The following CLVS1 variants were observed in gnomAD, a reference collection of about 807,000 sequenced individuals.
CLVS1 encodes the protein clavesin-1.
In CLVS1, 10 loss-of-function variants were observed where a neutral mutation model predicts 33.1. The ratio of observed to expected loss-of-function variants is 0.30; its 90% CI spans 0.19 to 0.51. The LOEUF (loss-of-function observed/expected upper bound fraction) is 0.51. Among genes scored for constraint, CLVS1 ranks in the 20% least tolerant of loss-of-function variants. The pLI is 0.97. For synonymous variants in CLVS1, 163 were observed against 166.1 expected (o/e 0.98, Z 0.14); for missense variants, 343 against 433.4 (o/e 0.79, Z 1.85).
chr8:61,287,346 G>A (rs867592844), upstream of CLVS1, among the ~76,000 whole-genome samples: 11 of 152,006 alleles, frequency 7.2e-5, no homozygotes, highest in African/African-American at 2.4e-4. Flanking sequence ...CTAAAAGGCT[G>A]TTAGTGTTTC....
intron 1 of CLVS1, among the ~76,000 whole-genome samples, chr8:61,290,486 T>C (rs1000818064): frequency 4.6e-5 from 7 of 152,056 alleles, no homozygotes; most frequent in Non-Finnish European, 8.8e-5. Flanking sequence ...CATAGAAGAG[T>C]GCATCATTTT....
chr8:61,346,161 AAATGGTATAG>A, intron 2 of CLVS1, among the ~76,000 whole-genome samples: 2 of 152,274 alleles, frequency 1.3e-5, no homozygotes, highest in Admixed American at 1.3e-4. Flanking sequence ...AGTTATTCGC[AAATGGTATAG>A]AATGTCAGTC....
chr8:61,159,025 T>C (rs11777469), intron 2 of CLVS1, among the ~76,000 whole-genome samples: 52,006 of 152,012 alleles, frequency 0.34, 11,770 homozygotes, highest in Middle Eastern at 0.52. Context: ...TGAGCCACCA[T>C]GCTATAATTA....
chr8:61,191,927 A>G (rs896608202), intron 2 of CLVS1, among the ~76,000 whole-genome samples: 8 of 152,222 alleles, frequency 5.3e-5, no homozygotes, highest in African/African-American at 1.7e-4. Flanking sequence ...GGAAGAATCA[A>G]TATTGTGAAA....
chr8:61,467,535 A>C (rs1014095160), intron 5 of CLVS1, among the ~76,000 whole-genome samples: 2 of 152,198 alleles, frequency 1.3e-5, no homozygotes, highest in African/African-American at 2.4e-5. Context: ...AAGTGTGTTC[A>C]TTCTGGTGGA....
intron 1 of CLVS1, among the ~76,000 whole-genome samples, chr8:61,065,234 C>T (rs1804654567): frequency 6.6e-6 from 1 of 152,172 alleles, no homozygotes; most frequent in Non-Finnish European, 1.5e-5. Flanking sequence ...CCTTATAATA[C>T]CTAACACAAT....
chr8:61,100,227 G>T (rs771565905), intron 1 of CLVS1, among the ~76,000 whole-genome samples: 3 of 152,082 alleles, frequency 2.0e-5, no homozygotes, highest in Non-Finnish European at 4.4e-5. Flanking sequence ...AGGACAATGG[G>T]TACCAATGAC....
chr8:61,156,617 A>G (rs982996579), intron 2 of CLVS1, among the ~76,000 whole-genome samples: 3 of 152,208 alleles, frequency 2.0e-5, no homozygotes, highest in Non-Finnish European at 4.4e-5. Flanking sequence ...CTCAATATAT[A>G]TTTAAAAGAT....
rs189628770 is a variant in CLVS1 at position 61,207,622 on chromosome 8, T to C, written c.-152+75762T>C. Among the ~76,000 whole-genome samples the C allele has an allele frequency of 3.8e-3, 582 of 152,290 alleles. 5 individuals are homozygous for C. Among genetic ancestry groups the C allele is most frequent in the African/African-American group, 0.013 (532 of 41,554 alleles). ...ATCGTACCACAATTTTACAGAAAAG[T>C]CTATGGTTTTCTGTGGCTGAAAATA... On this transcript the variant is annotated intron_variant, in intron 2 of 2. Transcript: ENST00000522621.
chr8:61,084,127 A>G (rs137965597), intron 1 of CLVS1, among the ~76,000 whole-genome samples: 3 of 152,236 alleles, frequency 2.0e-5, no homozygotes, highest in African/African-American at 7.2e-5. Flanking sequence ...ACCAGACAAG[A>G]TAACACTTAC....
At chr8:61,453,910 A>G (rs1458779885) in intron 3 of CLVS1, among the ~76,000 whole-genome samples, 2 of 152,210 alleles carry the variant, frequency 1.3e-5, no homozygotes, top group Non-Finnish European at 2.9e-5. Context: ...CCTGGAACCC[A>G]TGCACAATTT....
the CLVS1 span, among the ~76,000 whole-genome samples, chr8:61,046,561 T>C: frequency 6.8e-6 from 1 of 148,046 alleles, no homozygotes; most frequent in Non-Finnish European, 1.5e-5. Context: ...TGTCATTGAA[T>C]CTATAAATTA....
intron 2 of CLVS1, among the ~76,000 whole-genome samples, chr8:61,352,646 C>T (rs1373503955): frequency 6.6e-6 from 1 of 151,786 alleles, no homozygotes; most frequent in African/African-American, 2.4e-5. Flanking sequence ...AGGAAACTAC[C>T]ATAGATAATG....
At chr8:61,322,041 C>T (rs955401607) in intron 2 of CLVS1, among the ~76,000 whole-genome samples, 18 of 151,952 alleles carry the variant, frequency 1.2e-4, no homozygotes, top group African/African-American at 4.1e-4. Context: ...TCACCTGTAC[C>T]CTAGCTCCAC....
At chr8:61,275,244 A>C (rs2129592918) in intron 2 of CLVS1, among the ~76,000 whole-genome samples, 2 of 152,182 alleles carry the variant, frequency 1.3e-5, no homozygotes, top group Admixed American at 1.3e-4. Context: ...AGTCTACCAC[A>C]TGCCCCACCA....
chr8:61,175,638 C>G (rs1807098959), intron 2 of CLVS1, among the ~76,000 whole-genome samples: 1 of 152,098 alleles, frequency 6.6e-6, no homozygotes, highest in South Asian at 2.1e-4. Flanking sequence ...GGAAGAAGGC[C>G]ATGGGTATAC....
At chr8:61,150,164 G>A (rs1012162509) in intron 2 of CLVS1, among the ~76,000 whole-genome samples, 1 of 149,688 alleles carries the variant, frequency 6.7e-6, no homozygotes, top group African/African-American at 2.5e-5. Context: ...ACCTGGTGCA[G>A]GCCAGGAAAT....
chr8:61,069,259 C>T (rs1356948363), intron 1 of CLVS1, among the ~76,000 whole-genome samples: 6 of 152,166 alleles, frequency 3.9e-5, no homozygotes, highest in East Asian at 1.9e-4. Flanking sequence ...TGAGCCACCG[C>T]GCCCAGCCAG....
the CLVS1 span, among the ~76,000 whole-genome samples, chr8:60,979,928 C>T: frequency 3.9e-5 from 6 of 152,164 alleles, no homozygotes; most frequent in South Asian, 2.1e-4. Context: ...ACTATCAGGT[C>T]GAAGTTAACA....
Sources: allele counts gnomAD v4.1 joint callset (sites outside exome capture counted in the v4.1 genomes callset), GRCh38; gene constraint gnomAD v4.1.1; transcripts MANE v1.5; gene names NCBI Gene and HGNC (gene_info 2026-07-23, HGNC 2026-07-21).